Variants in NCAPG2 observed in about 807,000 individuals in gnomAD.
NCAPG2 encodes the protein non-SMC condensin II complex subunit G2.
NCAPG2 carries 53 observed loss-of-function variants against 141.1 expected under a neutral mutation model. That is an observed-to-expected ratio of 0.38 (90% CI 0.30 to 0.47). NCAPG2 has a LOEUF of 0.47. NCAPG2 is among the 20% of genes least tolerant of loss of function. NCAPG2 has a pLI of 0.99. For synonymous variants in NCAPG2, 499 were observed against 490.7 expected, an observed-to-expected ratio of 1.02 and a Z score of -0.22; for missense variants, 1,087 against 1,389.0, an observed-to-expected ratio of 0.78 and a Z score of 3.46.
chr7:158,632,788 C>T (rs574206122), intron 27 of NCAPG2, among the ~76,000 whole-genome samples: 1 of 152,218 alleles, frequency 6.6e-6, no homozygotes, highest in South Asian at 2.1e-4. Flanking sequence ...TTTTTTTAAG[C>T]AAAATTCATC....
intron 11 of NCAPG2, 26 bp from the exon 12 acceptor site, chr7:158,675,682 T>G: frequency 6.3e-7 from 1 of 1,594,668 alleles, no homozygotes; most frequent in Non-Finnish European, 8.5e-7. Context: ...GAGAAAGGCT[T>G]AAAAACCTTG....
chr7:158,645,352 T>G (rs1830930499), intron 26 of NCAPG2, among the ~76,000 whole-genome samples, 167 bp downstream of exon 26: 1 of 152,058 alleles, frequency 6.6e-6, no homozygotes, highest in Non-Finnish European at 1.5e-5. Flanking sequence ...GAAGCCCAGG[T>G]GGACAGCACT....
At position 158,656,745 on chromosome 7, in the gene NCAPG2, C is replaced by T. The variant is rs751211374; in HGVS notation, c.2061-40G>A. On this transcript the variant is annotated intron_variant, in intron 17 of 27. Coordinates refer to ENST00000356309, the MANE Select transcript of NCAPG2 (RefSeq NM_017760.7). ...CGGAAAATCGGACTGAGTATTTCAA[C>T]GGAGACTCCCCAACTTTGTCAAAAG... 24 of 1,597,598 alleles carry T rather than the reference C, an allele frequency of 1.5e-5. No homozygotes were observed. The African/African-American group carries it at 2.1e-4, about 14-fold the overall frequency.
chr7:158,657,693 G>C (rs12670222), intron 17 of NCAPG2, among the ~76,000 whole-genome samples: 1 of 152,020 alleles, frequency 6.6e-6, no homozygotes, highest in Non-Finnish European at 1.5e-5. Context: ...TGACAATGGC[G>C]GTTTTGTGGA....
intron 19 of NCAPG2, among the ~76,000 whole-genome samples, chr7:158,655,931 G>A (rs1177172130): frequency 6.6e-6 from 1 of 152,242 alleles, no homozygotes; most frequent in Non-Finnish European, 1.5e-5. Context: ...AAGGACTGCA[G>A]GGAGTGAGTG....
At chr7:158,637,581 G>GCTCTGGCCCACCCCATCC (rs1337884590) in intron 27 of NCAPG2, among the ~76,000 whole-genome samples, 1 of 2,144 alleles carries the variant, frequency 4.7e-4, no homozygotes, top group African/African-American at 1.3e-3. Context: ...TCCGGCTCCA[G>GCTCTGGCCCACCCCATCC]CAGCTCCCCA....
At chr7:158,681,681 C>T (rs10237585) in intron 9 of NCAPG2, among the ~76,000 whole-genome samples, 137,845 of 152,244 alleles carry the variant, frequency 0.91, 62,466 homozygotes, top group East Asian at 0.96. Flanking sequence ...TTTTTGTGTA[C>T]AATACTATCA....
intron 2 of NCAPG2, among the ~76,000 whole-genome samples, chr7:158,693,864 CT>C (rs1835277031): frequency 6.6e-6 from 1 of 152,184 alleles, no homozygotes; most frequent in Non-Finnish European, 1.5e-5. Context: ...TCAACACCAC[CT>C]TCTACTCATT....
At chr7:158,642,130 G>A (rs527362247) in intron 27 of NCAPG2, among the ~76,000 whole-genome samples, 5 of 152,206 alleles carry the variant, frequency 3.3e-5, no homozygotes, top group African/African-American at 4.8e-5. Context: ...ATTAAACAAC[G>A]CAACTAAATA....
intron 1 of NCAPG2, among the ~76,000 whole-genome samples, chr7:158,704,361 G>A (rs1836025135): frequency 6.7e-6 from 1 of 149,300 alleles, no homozygotes; most frequent in African/African-American, 2.5e-5. Context: ...CCAGGACAGA[G>A]GAGGTCGCTC....
Position 158,680,066 on chromosome 7 carries a change from C to T in NCAPG2, c.1040G>A (p.Arg347Gln), listed in dbSNP as rs746569980. The T allele has an allele frequency of 7.4e-6, 12 of 1,613,750 alleles. No individual in the cohort carries two copies. Among genetic ancestry groups the T allele is most frequent in the East Asian group, 4.5e-5 (2 of 44,878 alleles). Residue 347 changes from arginine (R) to glutamine (Q), a missense_variant, in exon 11 of 28, where the codon CGA becomes CAA. Physicochemically the swap from Arg to Gln is conservative, Grantham distance 43. Transcript: ENST00000356309. The stretch of plus-strand genomic sequence containing the variant: ...AACAAACAACAATGCAGCATTTGAT[C>T]GAACTTCAGAGTTTCTGGCCTATAA... ...RGLKARNSEVRSNAALLFVEA... is the reference protein window; with the variant it reads ...RGLKARNSEVQSNAALLFVEA...
At chr7:158,667,465 C>T (rs1833149508) in intron 13 of NCAPG2, among the ~76,000 whole-genome samples, 2 of 143,232 alleles carry the variant, frequency 1.4e-5, no homozygotes, top group Non-Finnish European at 3.1e-5. Flanking sequence ...CCTCCGCCCG[C>T]CTTACCCACT....
rs572306982 is a variant in NCAPG2 at position 158,667,235 on chromosome 7, C to G, written c.1480-2485G>C. The stretch of plus-strand genomic sequence containing the variant: ...TGCCTTCTTCCTCTGCTCTGGCGCC[C>G]AAACTTCCTGGTGGGCCAGAGACCC... On this transcript the variant is annotated intron_variant, in intron 13 of 27. Transcript: ENST00000356309. 5.6e-4 allele frequency: 549 copies of G among 985,074 alleles called. 1 individual carries two copies. The African/African-American group carries it at 6.8e-3, about 12-fold the overall frequency. The allele number at this position is 985,074 out of a possible 1,614,324, so 61.0% of individuals were successfully genotyped here.
intron 15 of NCAPG2, among the ~76,000 whole-genome samples, chr7:158,663,722 C>T (rs1293616611): frequency 1.3e-5 from 2 of 152,236 alleles, no homozygotes; most frequent in African/African-American, 4.8e-5. Flanking sequence ...CGTCCACAAG[C>T]ACAGGAGTTT....
intron 11 of NCAPG2, among the ~76,000 whole-genome samples, chr7:158,676,193 C>G (rs1834039689): frequency 6.6e-6 from 1 of 152,188 alleles, no homozygotes; most frequent in Non-Finnish European, 1.5e-5. Flanking sequence ...GATCAACTCT[C>G]TCATTTAACT....
At chr7:158,638,237 A>T (rs1186099283) in intron 27 of NCAPG2, among the ~76,000 whole-genome samples, 1 of 152,176 alleles carries the variant, frequency 6.6e-6, no homozygotes, top group Non-Finnish European at 1.5e-5. Context: ...AAACACACAG[A>T]AAAACATTGT....
chr7:158,636,279 A>G lies in NCAPG2; in HGVS notation c.3381-4562T>C, dbSNP rs1367389319. Reference sequence around the variant, plus strand: ...TCAAGTAGTTAGCCTGAAACTAAGTATAAGTGGAAATGGAAGGCATTCCTA... The same window carrying G: ...TCAAGTAGTTAGCCTGAAACTAAGTGTAAGTGGAAATGGAAGGCATTCCTA... On this transcript the variant is annotated intron_variant, in intron 27 of 27. Coordinates refer to ENST00000356309, the MANE Select transcript of NCAPG2 (RefSeq NM_017760.7). Among the ~76,000 whole-genome samples the G allele has an allele frequency of 3.3e-5, 5 of 152,214 alleles. No homozygotes were observed. The South Asian group carries it at 8.3e-4, about 25-fold the overall frequency.
chr7:158,669,957 T>C (rs2129463958), intron 13 of NCAPG2, among the ~76,000 whole-genome samples: 2 of 152,062 alleles, frequency 1.3e-5, no homozygotes, highest in African/African-American at 4.8e-5. Context: ...CTAAAGTTTA[T>C]ATGAAATGCA....
In NCAPG2 at chr7:158,633,453, C is replaced by T. The variant is rs1830009485; in HGVS notation, c.3381-1736G>A. Among the ~76,000 whole-genome samples the T allele has an allele frequency of 6.6e-6, 1 of 152,252 alleles. No individual in the cohort carries two copies. Among genetic ancestry groups the T allele is most frequent in the South Asian group, 2.1e-4 (1 of 4,838 alleles). The stretch of plus-strand genomic sequence containing the variant: ...CCACCCTCTGTGTGGTTATTTCTGC[C>T]TGTGTTGAACCAGGGGTGAGGGCAC... On this transcript the variant is annotated intron_variant, in intron 27 of 27. Transcript: ENST00000356309. This position sits in a 1 kb window ranked among gnomAD's most constrained non-coding sequence, Gnocchi z 4.1.
Sources: gnomAD v4.1 joint callset for allele counts (sites outside exome capture counted in the v4.1 genomes callset) on GRCh38, gnomAD v4.1.1 for gene constraint, Gnocchi (gnomAD v3.1) non-coding constraint, MANE v1.5 for transcripts, NCBI Gene and HGNC (gene_info 2026-07-23, HGNC 2026-07-21) for gene names.